The following HIPK2 variants were observed in gnomAD, a reference collection of about 807,000 sequenced individuals.
HIPK2 encodes the protein homeodomain-interacting protein kinase 2.
Under a neutral mutation model 113.7 loss-of-function variants are expected in HIPK2, and 27 were observed. The ratio of observed to expected loss-of-function variants is 0.24; its 90% confidence interval spans 0.17 to 0.33. The LOEUF is 0.33. Ranked by LOEUF, HIPK2 falls within the 10% of genes least tolerant of loss-of-function variation. The probability of loss-of-function intolerance (pLI) is 1.00; values close to 1 mark genes in which losing one functional copy is unlikely to be tolerated. For synonymous variants in HIPK2, 631 were observed against 642.2 expected, an observed-to-expected ratio of 0.98 and a Z score of 0.26; for missense variants, 1,257 against 1,588.0, an observed-to-expected ratio of 0.79 and a Z score of 3.54.
chr7:139,617,606 A>G (rs73481757), intron 7 of HIPK2, among the ~76,000 whole-genome samples: 1,708 of 152,342 alleles, frequency 0.011, 23 homozygotes, highest in African/African-American at 0.038. Context: ...ATTATTCAAC[A>G]TGTTACCAAC....
chr7:139,759,646 T>C (rs997354819), intron 1 of HIPK2, among the ~76,000 whole-genome samples: 3 of 152,150 alleles, frequency 2.0e-5, no homozygotes, highest in African/African-American at 4.8e-5. Context: ...CAGAATGTAT[T>C]ATTAAGAGAA....
chr7:139,641,457 T>C (rs955867088), intron 2 of HIPK2, among the ~76,000 whole-genome samples: 1 of 152,116 alleles, frequency 6.6e-6, no homozygotes, highest in Non-Finnish European at 1.5e-5. Context: ...AACCTAGTGT[T>C]CCTTTTATTT....
intron 9 of HIPK2, among the ~76,000 whole-genome samples, chr7:139,608,879 CA>C (rs1424593185): frequency 6.6e-6 from 1 of 152,058 alleles, no homozygotes; most frequent in African/African-American, 2.4e-5. Flanking sequence ...GGGTTCAAGC[CA>C]ACAGTTTGTT....
chr7:139,727,760 G>A (rs1795627702), intron 1 of HIPK2, among the ~76,000 whole-genome samples: 1 of 152,118 alleles, frequency 6.6e-6, no homozygotes, highest in South Asian at 2.1e-4. Context: ...TACAGGACAT[G>A]GTGTCAAGAG....
chr7:139,756,581 T>C (rs1796366751), intron 1 of HIPK2, among the ~76,000 whole-genome samples: 1 of 152,164 alleles, frequency 6.6e-6, no homozygotes, highest in African/African-American at 2.4e-5. Flanking sequence ...CATGCCACCA[T>C]GCCTGGCTAA....
intron 2 of HIPK2, among the ~76,000 whole-genome samples, chr7:139,665,530 A>T (rs1802018192): frequency 2.0e-5 from 3 of 152,064 alleles, no homozygotes; most frequent in Non-Finnish European, 4.4e-5. Flanking sequence ...GCTCTCCTGG[A>T]TAGAGCACTG....
At chr7:139,702,281 AG>A (rs1177974302) in intron 2 of HIPK2, among the ~76,000 whole-genome samples, 1 of 152,190 alleles carries the variant, frequency 6.6e-6, no homozygotes, top group Non-Finnish European at 1.5e-5. Context: ...ACACTGTGGA[AG>A]GACATTTACA....
At chr7:139,743,098 C>T (rs1008238381) in intron 1 of HIPK2, among the ~76,000 whole-genome samples, 1 of 152,094 alleles carries the variant, frequency 6.6e-6, no homozygotes, top group Admixed American at 6.5e-5. Flanking sequence ...CCCAGGTGTG[C>T]AGGAAGAGAC....
At chr7:139,746,258 CCT>C (rs970801118) in intron 1 of HIPK2, among the ~76,000 whole-genome samples, 51 of 152,340 alleles carry the variant, frequency 3.3e-4, no homozygotes, top group African/African-American at 9.4e-4. Context: ...CTTGTGCACC[CCT>C]GTGTGGGGCA....
chr7:139,622,542 T>C (rs1800270408), intron 6 of HIPK2, among the ~76,000 whole-genome samples: 1 of 152,242 alleles, frequency 6.6e-6, no homozygotes, highest in African/African-American at 2.4e-5. Context: ...GGGCAAGTCC[T>C]TTCACTTTAG....
chr7:139,670,751 C>CTTTTTTTTTT (rs1802244998), intron 2 of HIPK2, among the ~76,000 whole-genome samples: 3 of 58,984 alleles, frequency 5.1e-5, no homozygotes, highest in African/African-American at 1.6e-4. Flanking sequence ...TTCTTTCTTT[C>CTTTTTTTTTT]TTTCTTTCTT....
chr7:139,658,690 G>A (rs1801758968), intron 2 of HIPK2, among the ~76,000 whole-genome samples: 1 of 152,216 alleles, frequency 6.6e-6, no homozygotes, highest in Non-Finnish European at 1.5e-5. Flanking sequence ...GTTGGGAGGT[G>A]CTGTGAAGGT....
rs891734683 is a variant in HIPK2 at position 139,679,208 on chromosome 7, C to T, written c.1103+36724G>A. ...AACTTCCAATACTATGTTGAATAGG[C>T]GTGGTGAGAGAGGGCATCCTTGTCT... is the stretch of plus-strand genomic sequence containing the variant. On this transcript the variant is annotated intron_variant, in intron 2 of 14. Coordinates refer to ENST00000406875, the MANE Select transcript of HIPK2 (RefSeq NM_022740.5). Among the ~76,000 whole-genome samples, 16 of 152,182 alleles carry T rather than the reference C, an allele frequency of 1.1e-4. No individual in the cohort carries two copies. In the South Asian group the frequency reaches 3.1e-3, roughly 30 times the overall value.
intron 1 of HIPK2, among the ~76,000 whole-genome samples, chr7:139,737,878 C>G (rs754174218): frequency 6.6e-6 from 1 of 152,214 alleles, no homozygotes; most frequent in African/African-American, 2.4e-5. Context: ...CACACCTGCT[C>G]ACAGACCAAA....
chr7:139,639,686 C>T (rs180955619), intron 2 of HIPK2, among the ~76,000 whole-genome samples: 417 of 152,290 alleles, frequency 2.7e-3, no homozygotes, highest in African/African-American at 9.0e-3. Context: ...CAGCGCAAGT[C>T]CCCCAACCCC....
intron 2 of HIPK2, among the ~76,000 whole-genome samples, chr7:139,711,663 G>A (rs904805237): frequency 6.6e-6 from 1 of 151,802 alleles, no homozygotes; most frequent in African/African-American, 2.4e-5. Context: ...TCTGAGAGTG[G>A]AGTTTAACAT....
At chr7:139,705,968 A>G (rs1340567914) in intron 2 of HIPK2, among the ~76,000 whole-genome samples, 1 of 152,248 alleles carries the variant, frequency 6.6e-6, no homozygotes, top group Non-Finnish European at 1.5e-5. Flanking sequence ...ACAAAGTTAC[A>G]AGGAACGTGA....
Position 139,630,331 on chromosome 7 carries a change from C to T in HIPK2, c.1347+834G>A, listed in dbSNP as rs1192792829. ...CCAGGCAGCCTCCTTTGCCTGGAAC[C>T]CCTCTCCCTAACCCCCATCACCCCA... On this transcript the variant is annotated intron_variant, in intron 4 of 14. Coordinates refer to ENST00000406875, the MANE Select transcript of HIPK2 (RefSeq NM_022740.5). This position sits in a 1 kb window ranked among gnomAD's most constrained non-coding sequence, Gnocchi z 4.0. Among the ~76,000 whole-genome samples, 1 of 152,124 alleles carries T rather than the reference C, an allele frequency of 6.6e-6. No homozygotes were observed. Among genetic ancestry groups the T allele is most frequent in the Non-Finnish European group, 1.5e-5 (1 of 68,024 alleles).
chr7:139,638,891 T>C lies in HIPK2; in HGVS notation c.1104-7166A>G, dbSNP rs1254215318. On this transcript the variant is annotated intron_variant, in intron 2 of 14. Transcript: ENST00000406875. ...CTAGGATGGTCTCGATCTCCTGACC[T>C]CGTGATCCGCCCGCCTCGGCCTCCC... is the stretch of plus-strand genomic sequence containing the variant. 3.3e-5 allele frequency among the ~76,000 whole-genome samples: 5 copies of C among 152,250 alleles called. No homozygotes were observed. In the East Asian group the frequency reaches 9.7e-4, roughly 29 times the overall value.
Sources: allele counts gnomAD v4.1 joint callset (sites outside exome capture counted in the v4.1 genomes callset), GRCh38; gene constraint gnomAD v4.1.1; non-coding constraint Gnocchi (gnomAD v3.1); transcripts MANE v1.5; gene names NCBI Gene and HGNC (gene_info 2026-07-23, HGNC 2026-07-21).